RNLS: variants seen among roughly 807,000 people sequenced by gnomAD.
The protein encoded by RNLS is renalase, FAD dependent amine oxidase.
In RNLS, 39 loss-of-function variants were observed where a neutral mutation model predicts 39.8. The observed-to-expected ratio is 0.98, with a 90% confidence interval of 0.76 to 1.28. RNLS has a LOEUF of 1.28. RNLS is among the 50% of genes most tolerant of loss of function. The pLI, the probability that RNLS is intolerant of heterozygous loss-of-function variation, is 0.00. For missense variants in RNLS, 410 were observed against 413.3 expected (o/e 0.99, Z 0.07); for synonymous variants, 147 against 150.7 (o/e 0.98, Z 0.18).
the RNLS span, among the ~76,000 whole-genome samples, chr10:88,245,526 C>A: frequency 6.6e-6 from 1 of 151,372 alleles, no homozygotes; most frequent in Non-Finnish European, 1.5e-5. Context: ...CTCTGAGATT[C>A]AAAGAGTTAA....
chr10:88,331,278 C>G (rs563986312), intron 5 of RNLS, among the ~76,000 whole-genome samples: 3 of 152,164 alleles, frequency 2.0e-5, no homozygotes, highest in Non-Finnish European at 4.4e-5. Context: ...CAGTGTGTAT[C>G]AAGGGTCAGA....
chr10:88,301,396 G>A (rs1035430764), intron 6 of RNLS, among the ~76,000 whole-genome samples: 1 of 152,130 alleles, frequency 6.6e-6, no homozygotes, highest in South Asian at 2.1e-4. Context: ...GCTTATGATT[G>A]ACACCTGTTA....
the RNLS span, among the ~76,000 whole-genome samples, chr10:88,217,758 G>A: frequency 9.9e-5 from 5 of 50,288 alleles, no homozygotes; most frequent in Non-Finnish European, 1.6e-4. Flanking sequence ...AAAAAAAGAG[G>A]GCTGGGCGCA....
At chr10:88,282,525 A>G (rs1206584664), downstream of RNLS, among the ~76,000 whole-genome samples, 2 of 134,944 alleles carry the variant, frequency 1.5e-5, no homozygotes, top group African/African-American at 5.4e-5. Context: ...ACACACACAC[A>G]CGCTTGGATG....
At chr10:88,346,103 A>G (rs910143487) in intron 5 of RNLS, among the ~76,000 whole-genome samples, 1 of 151,874 alleles carries the variant, frequency 6.6e-6, no homozygotes, top group Admixed American at 6.6e-5. Flanking sequence ...ATAAAAAGAG[A>G]GATAATTGCT....
chr10:88,264,609 T>C, the RNLS span, among the ~76,000 whole-genome samples: 6 of 152,244 alleles, frequency 3.9e-5, no homozygotes, highest in African/African-American at 1.4e-4. Flanking sequence ...TTTCTTCATA[T>C]GTTGGTTGCC....
chr10:88,407,250 G>A (rs574215057), intron 4 of RNLS, among the ~76,000 whole-genome samples: 8 of 152,056 alleles, frequency 5.3e-5, no homozygotes, highest in Admixed American at 1.3e-4. Context: ...TGTGGAATAC[G>A]CCAGCCCACT....
chr10:88,294,535 C>T (rs995972039), intron 6 of RNLS, among the ~76,000 whole-genome samples: 4 of 152,030 alleles, frequency 2.6e-5, no homozygotes, highest in Admixed American at 6.6e-5. Flanking sequence ...TGTATTTACC[C>T]TTAACGTTCT....
the RNLS span, among the ~76,000 whole-genome samples, chr10:88,261,145 T>C: frequency 6.6e-6 from 1 of 152,190 alleles, no homozygotes; most frequent in African/African-American, 2.4e-5. Context: ...TGGAAGAAGA[T>C]TGGTTTCATT....
At chr10:88,548,002 C>T (rs890482313) in intron 4 of RNLS, among the ~76,000 whole-genome samples, 1 of 151,972 alleles carries the variant, frequency 6.6e-6, no homozygotes, top group Non-Finnish European at 1.5e-5. Flanking sequence ...TGGCTCACGC[C>T]TGTAATCCCA....
chr10:88,508,954 A>C (rs1845940956), intron 4 of RNLS, among the ~76,000 whole-genome samples: 1 of 152,104 alleles, frequency 6.6e-6, no homozygotes, highest in African/African-American at 2.4e-5. Flanking sequence ...TGCATCCTGG[A>C]ATACAATCAT....
At chr10:88,554,957 T>C (rs1019952860) in intron 4 of RNLS, among the ~76,000 whole-genome samples, 8 of 152,136 alleles carry the variant, frequency 5.3e-5, no homozygotes, top group Non-Finnish European at 8.8e-5. Context: ...ATCTAAAAAA[T>C]TGTCTATTCC....
intron 4 of RNLS, among the ~76,000 whole-genome samples, chr10:88,446,665 A>G (rs1263010028): frequency 1.3e-5 from 2 of 152,240 alleles, no homozygotes; most frequent in African/African-American, 4.8e-5. Context: ...GCAAACTACC[A>G]TCAGAGAATA....
the RNLS span, among the ~76,000 whole-genome samples, chr10:88,194,775 G>A: frequency 6.6e-6 from 1 of 152,136 alleles, no homozygotes; most frequent in South Asian, 2.1e-4. Flanking sequence ...CCAAGAGTAT[G>A]AGAACCACTG....
At chr10:88,376,965 T>TAAC (rs960654801) in intron 4 of RNLS, among the ~76,000 whole-genome samples, 1 of 151,744 alleles carries the variant, frequency 6.6e-6, no homozygotes, top group African/African-American at 2.4e-5. Context: ...AAAAAAAGAG[T>TAAC]AACACTTAAC....
At chr10:88,441,728 A>C (rs1221738622) in intron 4 of RNLS, among the ~76,000 whole-genome samples, 1 of 152,204 alleles carries the variant, frequency 6.6e-6, no homozygotes, top group African/African-American at 2.4e-5. Flanking sequence ...TTCTGTAAGC[A>C]TCGGAAATAC....
the RNLS span, among the ~76,000 whole-genome samples, chr10:88,265,463 T>C: frequency 6.6e-6 from 1 of 152,036 alleles, no homozygotes; most frequent in African/African-American, 2.4e-5. Flanking sequence ...TTCACAATAT[T>C]AATTTTATCC....
chr10:88,181,615 CTATT>C, the RNLS span, among the ~76,000 whole-genome samples: 2 of 152,076 alleles, frequency 1.3e-5, no homozygotes, highest in Admixed American at 6.6e-5. Context: ...ACATCTTTGA[CTATT>C]TATATAGGAT....
At position 88,582,243 on chromosome 10, in the gene RNLS, C is replaced by G; in HGVS notation, c.183G>C (p.Gln61His). ...NPQCTADLGA[Q>H]YITCTPHYAK... Reference sequence around the variant, plus strand: ...CATAATGAGGAGTGCAGGTGATGTACTGAGCACCCAAGTCAGCTGTGCACT... The same window carrying G: ...CATAATGAGGAGTGCAGGTGATGTAGTGAGCACCCAAGTCAGCTGTGCACT... Residue 61 changes from glutamine (Q) to histidine (H), a missense_variant, in exon 2 of 7, where the codon CAG becomes CAC. Coordinates refer to ENST00000331772, the MANE Select transcript of RNLS (RefSeq NM_001031709.3). 1 of 1,614,098 alleles carries G rather than the reference C, an allele frequency of 6.2e-7. No homozygotes were observed. The highest frequency in any genetic ancestry group is 1.3e-5 in the African/African-American group (1 of 75,050).
Sources: allele counts gnomAD v4.1 joint callset (sites outside exome capture counted in the v4.1 genomes callset), GRCh38; gene constraint gnomAD v4.1.1; transcripts MANE v1.5; gene names NCBI Gene and HGNC (gene_info 2026-07-23, HGNC 2026-07-21).